PDE1A: variants seen among roughly 807,000 people sequenced by gnomAD.
PDE1A encodes phosphodiesterase 1A.
In PDE1A, 35 loss-of-function variants were observed where a neutral mutation model predicts 61.7. The ratio of observed to expected loss-of-function variants is 0.57; its 90% CI spans 0.43 to 0.75. The LOEUF (loss-of-function observed/expected upper bound fraction) is 0.75, where lower values mean the gene tolerates loss of function less well. PDE1A is among the 30% of genes least tolerant of loss of function. The pLI is 0.00. For synonymous variants in PDE1A, 232 were observed against 213.2 expected (o/e 1.09, Z -0.77); for missense variants, 597 against 630.6 (o/e 0.95, Z 0.57).
chr2:182,312,394 C>T (rs71427838), intron 1 of PDE1A, among the ~76,000 whole-genome samples: 2,156 of 152,172 alleles, frequency 0.014, 23 homozygotes, highest in South Asian at 0.028. Context: ...TCACAAGGCT[C>T]TTCTCTTATA....
the PDE1A span, among the ~76,000 whole-genome samples, chr2:182,669,776 C>T: frequency 6.6e-6 from 1 of 152,176 alleles, no homozygotes; most frequent in Non-Finnish European, 1.5e-5. Flanking sequence ...ATGGTAAACA[C>T]CCTGATAGCA....
the PDE1A span, among the ~76,000 whole-genome samples, chr2:182,565,148 G>GC: frequency 6.6e-6 from 1 of 152,152 alleles, no homozygotes; most frequent in Non-Finnish European, 1.5e-5. Flanking sequence ...AGAGTTTCCA[G>GC]TTTTTCTGCT....
At chr2:182,609,511 C>T in the PDE1A span, among the ~76,000 whole-genome samples, 1 of 152,216 alleles carries the variant, frequency 6.6e-6, no homozygotes, top group Non-Finnish European at 1.5e-5. Flanking sequence ...CAGCCTCACT[C>T]CTGAAGCCAG....
the PDE1A span, among the ~76,000 whole-genome samples, chr2:182,552,571 C>G: frequency 6.6e-6 from 1 of 151,696 alleles, no homozygotes; most frequent in African/African-American, 2.4e-5. Flanking sequence ...CTAAGAATCC[C>G]TAAGCCTAGC....
chr2:182,522,090 T>C (rs574355033), intron 2 of PDE1A, among the ~76,000 whole-genome samples: 11 of 152,300 alleles, frequency 7.2e-5, no homozygotes, highest in Admixed American at 2.6e-4. Context: ...CTTACTTTAA[T>C]AACATGTGCA....
chr2:182,457,857 T>C (rs932361482), intron 2 of PDE1A, among the ~76,000 whole-genome samples: 1 of 152,020 alleles, frequency 6.6e-6, no homozygotes, highest in South Asian at 2.1e-4. Context: ...ACAGTAAGAA[T>C]AGGTTTGGTT....
At chr2:182,518,186 T>C (rs556707820) in intron 2 of PDE1A, among the ~76,000 whole-genome samples, 1 of 152,302 alleles carries the variant, frequency 6.6e-6, no homozygotes, top group South Asian at 2.1e-4. Flanking sequence ...TGGTTCCAAT[T>C]TGGGAATATG....
chr2:182,564,244 G>A, the PDE1A span, among the ~76,000 whole-genome samples: 1 of 152,108 alleles, frequency 6.6e-6, no homozygotes, highest in Non-Finnish European at 1.5e-5. Context: ...TTTTAGGGCA[G>A]GTCTGGTGGT....
At chr2:182,571,806 C>T in the PDE1A span, among the ~76,000 whole-genome samples, 2 of 152,090 alleles carry the variant, frequency 1.3e-5, no homozygotes, top group Non-Finnish European at 2.9e-5. Context: ...AGAACAGTAT[C>T]ATGATCCATT....
At chr2:182,154,616 G>T (rs1690966129) in intron 13 of PDE1A, among the ~76,000 whole-genome samples, 1 of 152,048 alleles carries the variant, frequency 6.6e-6, no homozygotes, top group Admixed American at 6.6e-5. Flanking sequence ...CCTGCTTCTT[G>T]CCTCTCTTGC....
At chr2:182,522,604 A>G (rs1690639194) in intron 1 of PDE1A, 1 of 1,323,216 alleles carries the variant, frequency 7.6e-7, no homozygotes, top group South Asian at 1.9e-5. Context: ...AGCAGTATAA[A>G]CAGATGCTCT....
At chr2:182,211,719 T>C (rs1687618616) in intron 7 of PDE1A, among the ~76,000 whole-genome samples, 2 of 152,212 alleles carry the variant, frequency 1.3e-5, no homozygotes, top group African/African-American at 4.8e-5. Flanking sequence ...TTGTATATGT[T>C]TTGTTCCATT....
intron 1 of PDE1A, among the ~76,000 whole-genome samples, chr2:182,313,841 G>A (rs1399540053): frequency 6.6e-6 from 1 of 152,160 alleles, no homozygotes; most frequent in Non-Finnish European, 1.5e-5. Context: ...ATGCAAATAT[G>A]TAATTGATCT....
chr2:182,671,865 C>A, the PDE1A span, among the ~76,000 whole-genome samples: 15 of 151,282 alleles, frequency 9.9e-5, no homozygotes, highest in Non-Finnish European at 1.9e-4. Context: ...ATGATCTGCC[C>A]ACCTCGGCCT....
At chr2:182,254,116 T>TTTTG (rs1350628051) in intron 2 of PDE1A, among the ~76,000 whole-genome samples, 1 of 152,208 alleles carries the variant, frequency 6.6e-6, no homozygotes, top group African/African-American at 2.4e-5. Flanking sequence ...CATAGAGCTT[T>TTTTG]TTTGTTAGTC....
At chr2:182,436,572 C>T (rs954353814) in intron 2 of PDE1A, among the ~76,000 whole-genome samples, 2 of 151,938 alleles carry the variant, frequency 1.3e-5, no homozygotes, top group African/African-American at 2.4e-5. Context: ...CTCTATGGTA[C>T]TAGAAAATAA....
At chr2:182,373,042 TG>T (rs1700204120) in intron 1 of PDE1A, among the ~76,000 whole-genome samples, 1 of 152,196 alleles carries the variant, frequency 6.6e-6, no homozygotes, top group Non-Finnish European at 1.5e-5. Flanking sequence ...GAGAAATTGT[TG>T]AGGCTGAGCA....
chr2:182,373,197 T>C (rs1700213117), intron 1 of PDE1A, among the ~76,000 whole-genome samples: 1 of 152,192 alleles, frequency 6.6e-6, no homozygotes, highest in African/African-American at 2.4e-5. Flanking sequence ...CACTGCATTA[T>C]AATAATGGAA....
chr2:182,619,030 C>CAA, the PDE1A span, among the ~76,000 whole-genome samples: 12 of 103,274 alleles, frequency 1.2e-4, no homozygotes, highest in Non-Finnish European at 1.2e-4. Context: ...GACTCCTCTG[C>CAA]AAAAAAAAAA....
Sources: gnomAD v4.1 joint callset for allele counts (sites outside exome capture counted in the v4.1 genomes callset) on GRCh38, gnomAD v4.1.1 for gene constraint, MANE v1.5 for transcripts, NCBI Gene and HGNC (gene_info 2026-07-23, HGNC 2026-07-21) for gene names.